Variants in KCNH8 observed in about 807,000 individuals in gnomAD.
The protein encoded by KCNH8 is potassium voltage-gated channel subfamily H member 8.
A neutral mutation model predicts 103.6 loss-of-function variants in KCNH8; 70 were observed. That is an observed-to-expected ratio of 0.68 (90% CI 0.56 to 0.82). The LOEUF is 0.82. KCNH8 is among the 40% of genes least tolerant of loss of function. KCNH8 has a pLI of 0.00. For missense variants in KCNH8, 1,217 were observed against 1,329.9 expected (o/e 0.92, Z 1.32); for synonymous variants, 498 against 489.4 (o/e 1.02, Z -0.23).
chr3:19,206,056 C>T (rs111921248), intron 1 of KCNH8, among the ~76,000 whole-genome samples: 13,158 of 151,360 alleles, frequency 0.087, 1,947 homozygotes, highest in African/African-American at 0.3. Flanking sequence ...AGTGAGAACA[C>T]AGGATGTTTG....
At chr3:19,281,554 A>G (rs1251911737) in intron 3 of KCNH8, among the ~76,000 whole-genome samples, 1 of 152,138 alleles carries the variant, frequency 6.6e-6, no homozygotes, top group Admixed American at 6.6e-5. Context: ...AGAAGTTCAT[A>G]TTCCTATGCT....
At chr3:19,352,327 G>A (rs925783719) in intron 5 of KCNH8, among the ~76,000 whole-genome samples, 1 of 152,060 alleles carries the variant, frequency 6.6e-6, no homozygotes, top group African/African-American at 2.4e-5. Context: ...AGATCAACAA[G>A]ACAGAAAGTT....
At chr3:19,485,803 T>C (rs115144724) in intron 11 of KCNH8, among the ~76,000 whole-genome samples, 7,536 of 152,258 alleles carry the variant, frequency 0.049, 534 homozygotes, top group African/African-American at 0.16. Context: ...GTGTCCCCTG[T>C]AGTGCATGAC....
intron 7 of KCNH8, among the ~76,000 whole-genome samples, chr3:19,414,207 A>C (rs890790031): frequency 1.3e-5 from 2 of 152,122 alleles, no homozygotes. Context: ...CAAAAGTAAA[A>C]GAAACATTAA....
At chr3:19,235,113 C>G (rs931324532) in intron 1 of KCNH8, among the ~76,000 whole-genome samples, 2 of 152,138 alleles carry the variant, frequency 1.3e-5, no homozygotes, top group African/African-American at 4.8e-5. Context: ...GAACTTAACT[C>G]TTGTTTGTAT....
intron 3 of KCNH8, among the ~76,000 whole-genome samples, chr3:19,298,746 C>T (rs2065026078): frequency 6.6e-6 from 1 of 151,684 alleles, no homozygotes; most frequent in South Asian, 2.1e-4. Flanking sequence ...CATGGTGAAA[C>T]CCCGTCTCTA....
At chr3:19,496,082 T>C (rs2068435098) in intron 11 of KCNH8, among the ~76,000 whole-genome samples, 1 of 152,200 alleles carries the variant, frequency 6.6e-6, no homozygotes, top group South Asian at 2.1e-4. Flanking sequence ...GTTTATCAGA[T>C]CACAGAGCTT....
At chr3:19,295,606 G>A (rs955027651) in intron 3 of KCNH8, among the ~76,000 whole-genome samples, 2 of 152,096 alleles carry the variant, frequency 1.3e-5, no homozygotes, top group Non-Finnish European at 2.9e-5. Flanking sequence ...GTGTCACTGA[G>A]GACAGGCTGG....
At chr3:19,245,350 G>T (rs957014026) in intron 1 of KCNH8, among the ~76,000 whole-genome samples, 2 of 152,068 alleles carry the variant, frequency 1.3e-5, no homozygotes, top group Non-Finnish European at 2.9e-5. Context: ...ACGCTGTTTT[G>T]GTTACTATAG....
At chr3:19,526,326 C>T (rs780758519) in intron 15 of KCNH8, among the ~76,000 whole-genome samples, 10 of 151,878 alleles carry the variant, frequency 6.6e-5, no homozygotes, top group East Asian at 1.9e-4. Flanking sequence ...TGCCTATCAA[C>T]GGAAGTTCCA....
At position 19,385,457 on chromosome 3, in the gene KCNH8, A is replaced by G. The variant is rs147617884; in HGVS notation, c.812-5024A>G. On this transcript the variant is annotated intron_variant, in intron 5 of 15. Coordinates refer to ENST00000328405, the MANE Select transcript of KCNH8 (RefSeq NM_144633.3). The stretch of plus-strand genomic sequence containing the variant: ...GCAAAAGCCAATACCAGCATCAACT[A>G]TGCCTCAATCTACCTGATTGCCCTT... Among the ~76,000 whole-genome samples, 3 of 152,276 alleles carry G rather than the reference A, an allele frequency of 2.0e-5. 1 individual carries two copies. Among genetic ancestry groups the G allele is most frequent in the South Asian group, 4.1e-4 (2 of 4,830 alleles).
intron 5 of KCNH8, among the ~76,000 whole-genome samples, chr3:19,376,657 G>T (rs544709116): frequency 8.6e-4 from 131 of 152,246 alleles, no homozygotes; most frequent in Non-Finnish European, 1.2e-3. Context: ...CTAATGTATT[G>T]CCCACAGCCT....
At chr3:19,409,808 A>T (rs2066749155) in intron 7 of KCNH8, among the ~76,000 whole-genome samples, 1 of 151,940 alleles carries the variant, frequency 6.6e-6, no homozygotes, top group Non-Finnish European at 1.5e-5. Context: ...TTGTTCAAGC[A>T]ACAAGAAGAC....
At chr3:19,218,564 G>A (rs1013716891) in intron 1 of KCNH8, among the ~76,000 whole-genome samples, 1 of 152,120 alleles carries the variant, frequency 6.6e-6, no homozygotes, top group Non-Finnish European at 1.5e-5. Flanking sequence ...AAGTCCCTGC[G>A]GTAAGACTCT....
intron 3 of KCNH8, among the ~76,000 whole-genome samples, chr3:19,321,342 C>G (rs970350014): frequency 1.3e-5 from 2 of 152,008 alleles, no homozygotes; most frequent in Non-Finnish European, 2.9e-5. Flanking sequence ...TTTCTCTTAG[C>G]ACTGTCTTTG....
intron 1 of KCNH8, among the ~76,000 whole-genome samples, chr3:19,162,486 G>T (rs1412206378): frequency 6.6e-6 from 1 of 151,550 alleles, no homozygotes; most frequent in African/African-American, 2.4e-5. Context: ...CAGCCTGGAC[G>T]ACAGAGTGAG....
At chr3:19,342,258 A>T (rs2065670415) in intron 3 of KCNH8, among the ~76,000 whole-genome samples, 1 of 152,226 alleles carries the variant, frequency 6.6e-6, no homozygotes, top group South Asian at 2.1e-4. Context: ...GAATGTTTTT[A>T]AATGTTGAGA....
chr3:19,373,889 G>T (rs1346678102), intron 5 of KCNH8, among the ~76,000 whole-genome samples: 1 of 152,056 alleles, frequency 6.6e-6, no homozygotes, highest in African/African-American at 2.4e-5. Context: ...TCAGGAGCAG[G>T]TTGTTCAGTT....
intron 15 of KCNH8, among the ~76,000 whole-genome samples, chr3:19,531,415 T>C (rs1243078900): frequency 6.6e-6 from 1 of 152,248 alleles, no homozygotes; most frequent in East Asian, 1.9e-4. Context: ...TTTCAAAGCA[T>C]ATTGAATTTT....
Sources: allele counts gnomAD v4.1 joint callset (sites outside exome capture counted in the v4.1 genomes callset), GRCh38; gene constraint gnomAD v4.1.1; transcripts MANE v1.5; gene names NCBI Gene and HGNC (gene_info 2026-07-23, HGNC 2026-07-21).